Variants in ALG11 observed in about 807,000 individuals in gnomAD.
ALG11 encodes the protein ALG11 alpha-1,2-mannosyltransferase.
ALG11 carries 26 observed loss-of-function variants against 38.8 expected under a neutral mutation model. The ratio of observed to expected loss-of-function variants is 0.67; its 90% confidence interval spans 0.49 to 0.93. The LOEUF (loss-of-function observed/expected upper bound fraction) is 0.93. ALG11 is among the 40% of genes least tolerant of loss of function. The probability of loss-of-function intolerance (pLI) is 0.00; values close to 1 mark genes in which losing one functional copy is unlikely to be tolerated. For synonymous variants in ALG11, 199 were observed against 211.6 expected, an observed-to-expected ratio of 0.94 and a Z score of 0.52; for missense variants, 535 against 578.8, an observed-to-expected ratio of 0.92 and a Z score of 0.78.
intron 3 of ALG11, among the ~76,000 whole-genome samples, chr13:52,025,352 A>G (rs2140841443): frequency 6.6e-6 from 1 of 152,270 alleles, no homozygotes; most frequent in Non-Finnish European, 1.5e-5. Flanking sequence ...TTCTCTCTCC[A>G]TCTAACCCCA....
rs781555491 is a variant in ALG11 at position 52,024,898 on chromosome 13, A to G, written c.1168A>G (p.Ile390Val). ...AAAGAATTATTTGTCTGAAGCAACA[A>G]TTGGTCTGCATACCATGTGGAACGA... Reference protein sequence around the residue: ...ELKNYLSEATIGLHTMWNEHF... With the variant: ...ELKNYLSEATVGLHTMWNEHF... The change falls in exon 3 of 4, where the codon ATT (isoleucine) becomes GTT (valine). Residue 390 changes from isoleucine (I) to valine (V), a missense_variant. By Grantham distance (29) the Ile-to-Val change is conservative (BLOSUM62 3). Coordinates refer to ENST00000521508, the MANE Select transcript of ALG11 (RefSeq NM_001004127.3). The G allele has an allele frequency of 4.3e-6, 7 of 1,612,570 alleles. No homozygotes were observed. In the East Asian group the frequency reaches 6.7e-5, roughly 15 times the overall value.
chr13:52,016,842 C>T (rs942833943), intron 1 of ALG11: 3 of 152,280 alleles, frequency 2.0e-5, no homozygotes, highest in Non-Finnish European at 2.9e-5. Flanking sequence ...CCTACTGGGG[C>T]ACTGCCTAGT....
At chr13:52,021,025 T>G (rs1417659534) in intron 2 of ALG11, 1 of 152,232 alleles carries the variant, frequency 6.6e-6, no homozygotes, top group Admixed American at 6.5e-5. Context: ...GATCAAGTCC[T>G]TCTCTCCTGG....
chr13:52,025,990 G>A (rs1284694282), intron 3 of ALG11, among the ~76,000 whole-genome samples: 1 of 152,224 alleles, frequency 6.6e-6, no homozygotes, highest in Non-Finnish European at 1.5e-5. Context: ...GCGCTTGGGT[G>A]GATGCTAGGG....
At position 52,012,478 on chromosome 13, in the gene ALG11, T is replaced by C. The variant is rs1003077778; in HGVS notation, c.44+16T>C. Reference sequence around the variant, plus strand: ...AGTTGTTGAGGTGAGCAGCCGGTCGTGTGGGCTCACAGACGTTTTCTCTTC... The same window carrying C: ...AGTTGTTGAGGTGAGCAGCCGGTCGCGTGGGCTCACAGACGTTTTCTCTTC... On this transcript the variant is annotated intron_variant, in intron 1 of 3. Coordinates refer to ENST00000521508, the MANE Select transcript of ALG11 (RefSeq NM_001004127.3). 1.9e-6 allele frequency: 3 copies of C among 1,614,108 alleles called. No homozygotes were observed. The highest frequency in any genetic ancestry group is 1.7e-6 in the Non-Finnish European group (2 of 1,180,038).
rs1954306008 is a variant in ALG11, at chr13:52,031,588, G to C, written c.*2998G>C. On this transcript the variant is annotated 3_prime_UTR_variant, in exon 4 of 4. Transcript: ENST00000521508. ...TGTCCCTTAACAGTGCCGCATCTCA[G>C]CCTGGAAGTCAGCTTTAAGTCATTC... is the stretch of plus-strand genomic sequence containing the variant. The C allele has an allele frequency of 5.8e-6, 1 of 172,672 alleles. No individual in the cohort carries two copies. 10.7% of individuals were successfully genotyped at this position (172,672 alleles called of 1,614,324 possible). A position where few individuals can be genotyped will look rare whatever the true frequency, so the allele number is the denominator to read the frequency against.
chr13:52,033,033 T>C lies in ALG11; in HGVS notation c.*4443T>C, dbSNP rs1055062. On this transcript the variant is annotated 3_prime_UTR_variant, in exon 4 of 4. Transcript: ENST00000521508. ...AAAAAGTTTTCTGGAATTCCGTAAATTATATTTTAAGCTTATTTCTTCAAA... is the reference window on the plus strand; with the variant it reads ...AAAAAGTTTTCTGGAATTCCGTAAACTATATTTTAAGCTTATTTCTTCAAA... 0.58 allele frequency: 97,462 copies of C among 166,970 alleles called. 31,091 individuals carry two copies. The highest frequency in any genetic ancestry group is 0.7 in the Non-Finnish European group (47,876 of 68,076). 10.3% of individuals were successfully genotyped at this position (166,970 alleles called of 1,614,324 possible).
In ALG11 at chr13:52,012,501, T is replaced by C; in HGVS notation, c.44+39T>C. 4.3e-6 allele frequency: 7 copies of C among 1,613,846 alleles called. 1 individual carries two copies. The South Asian group carries it at 6.6e-5, about 15-fold the overall frequency. On this transcript the variant is annotated intron_variant, in intron 1 of 3. Coordinates refer to ENST00000521508, the MANE Select transcript of ALG11 (RefSeq NM_001004127.3). ...CGTGTGGGCTCACAGACGTTTTCTC[T>C]TCTGTAGGGGTACTTGCCCGTCCAG...
chr13:52,021,432 A>C (rs1273648893), intron 2 of ALG11: 1 of 152,212 alleles, frequency 6.6e-6, no homozygotes, highest in African/African-American at 2.4e-5. Context: ...AGTAGAGAGA[A>C]CAACCACTGC....
intron 2 of ALG11, 159 bp from the exon 3 acceptor site, chr13:52,023,847 T>G: frequency 2.2e-6 from 1 of 464,724 alleles, no homozygotes; most frequent in South Asian, 2.7e-5. Context: ...CAGGCTGGAG[T>G]TCGGTGGCAT....
At chr13:52,019,216 C>CTTTTTTTTT (rs767701891) in intron 2 of ALG11, 73 bp downstream of exon 2, 5 of 447,534 alleles carry the variant, frequency 1.1e-5, no homozygotes, top group Non-Finnish European at 1.8e-5. Flanking sequence ...AGAAATTCAT[C>CTTTTTTTTT]TTTTTTTTTT....
chr13:52,026,636 T>C (rs1954243006), intron 3 of ALG11, among the ~76,000 whole-genome samples: 1 of 152,182 alleles, frequency 6.6e-6, no homozygotes, highest in African/African-American at 2.4e-5. Flanking sequence ...GAAGACTACC[T>C]AGGGTTTTGG....
intron 1 of ALG11, among the ~76,000 whole-genome samples, chr13:52,017,911 T>C (rs1157824689): frequency 6.6e-6 from 1 of 152,234 alleles, no homozygotes; most frequent in Non-Finnish European, 1.5e-5. Flanking sequence ...ATCTTTATTC[T>C]ATTTTCACTG....
chr13:52,024,902 G>T lies in ALG11; in HGVS notation c.1172G>T (p.Gly391Val). 6.2e-7 allele frequency: 1 copy of T among 1,612,354 alleles called. No individual in the cohort carries two copies. Residue 391 changes from glycine to valine, a missense_variant, in exon 3 of 4, where the codon GGT (glycine) becomes GTT (valine). Coordinates refer to ENST00000521508, the MANE Select transcript of ALG11 (RefSeq NM_001004127.3). ...AATTATTTGTCTGAAGCAACAATTG[G>T]TCTGCATACCATGTGGAACGAGCAT... ...LKNYLSEATIGLHTMWNEHFG... is the reference protein window; with the variant it reads ...LKNYLSEATIVLHTMWNEHFG...
At chr13:52,026,733 C>G (rs1954244530) in intron 3 of ALG11, among the ~76,000 whole-genome samples, 1 of 152,138 alleles carries the variant, frequency 6.6e-6, no homozygotes, top group Non-Finnish European at 1.5e-5. Context: ...AGTTTTGAAC[C>G]TGCAGAATTT....
At position 52,024,938 on chromosome 13, in the gene ALG11, G is replaced by A; in HGVS notation, c.1207+1G>A. On this transcript the variant is annotated splice_donor_variant, in intron 3 of 3. Transcript: ENST00000521508. LOFTEE classifies it high-confidence loss of function. ...ATGTGGAACGAGCATTTTGGGATTG[G>A]TGAGTTTGGCCTTTAAACAACTTGT... 1 of 1,607,310 alleles carries A rather than the reference G, an allele frequency of 6.2e-7. No individual in the cohort carries two copies. Among genetic ancestry groups the A allele is most frequent in the Non-Finnish European group, 8.5e-7 (1 of 1,179,966 alleles).
chr13:52,029,814 A>C lies in ALG11; in HGVS notation c.*1224A>C. On this transcript the variant is annotated 3_prime_UTR_variant, in exon 4 of 4. Transcript: ENST00000521508. ...AACAAAGAACTGACACAGAAACTCCAGGTAGCCTCTGAGAGTGAGGAAGAG... is the reference window on the plus strand; with the variant it reads ...AACAAAGAACTGACACAGAAACTCCCGGTAGCCTCTGAGAGTGAGGAAGAG... 6.2e-7 allele frequency: 1 copy of C among 1,614,252 alleles called. No homozygotes were observed. Among genetic ancestry groups the C allele is most frequent in the Non-Finnish European group, 8.5e-7 (1 of 1,180,046 alleles).
At position 52,024,472 on chromosome 13, in the gene ALG11, G is replaced by T; in HGVS notation, c.742G>T (p.Gly248Cys). The change falls in exon 3 of 4, where the codon GGT (glycine) becomes TGT (cysteine). Residue 248 changes from glycine (G) to cysteine (C), a missense_variant. Transcript: ENST00000521508. Reference sequence around the variant, plus strand: ...ATTTGCTTTTATTTATGGACTTGTTGGTTCTTGCAGTGATGTAGTCATGGT... The same window carrying T: ...ATTTGCTTTTATTTATGGACTTGTTTGTTCTTGCAGTGATGTAGTCATGGT... ...YLFAFIYGLV[G>C]SCSDVVMVNS... 1 of 1,614,062 alleles carries T rather than the reference G, an allele frequency of 6.2e-7. No homozygotes were observed. The highest frequency in any genetic ancestry group is 1.1e-5 in the South Asian group (1 of 91,066).
Position 52,033,232 on chromosome 13 carries a change from A to G in ALG11, c.*4642A>G, listed in dbSNP as rs992932071. The G allele has an allele frequency of 6.0e-6, 1 of 167,062 alleles. No homozygotes were observed. Among genetic ancestry groups the G allele is most frequent in the African/African-American group, 2.4e-5 (1 of 41,442 alleles). 10.3% of individuals were successfully genotyped at this position (167,062 alleles called of 1,614,324 possible). A position where few individuals can be genotyped will look rare whatever the true frequency, so the allele number is the denominator to read the frequency against. On this transcript the variant is annotated 3_prime_UTR_variant, in exon 4 of 4. Transcript: ENST00000521508. ...TGTCTGCAGAACTTTCAGGATGACT[A>G]TTAATTCCTCTCAGATGTCATTTTT...
Sources: allele counts gnomAD v4.1 joint callset (sites outside exome capture counted in the v4.1 genomes callset), GRCh38; gene constraint gnomAD v4.1.1; transcripts MANE v1.5; gene names NCBI Gene and HGNC (gene_info 2026-07-23, HGNC 2026-07-21).